The following CACUL1 variants were observed in gnomAD, a reference collection of about 807,000 sequenced individuals.
CACUL1 encodes the protein CDK2-associated and cullin domain-containing protein 1.
CACUL1 carries 13 observed loss-of-function variants against 45.2 expected under a neutral mutation model. The ratio of observed to expected loss-of-function variants is 0.29; its 90% CI spans 0.19 to 0.46. The LOEUF is 0.46. Among genes scored for constraint, CACUL1 ranks in the 20% least tolerant of loss-of-function variants. The probability of loss-of-function intolerance (pLI) is 1.00; values close to 1 mark genes in which losing one functional copy is unlikely to be tolerated. For synonymous variants in CACUL1, 197 were observed against 174.2 expected, an observed-to-expected ratio of 1.13 and a Z score of -1.03; for missense variants, 421 against 471.4, an observed-to-expected ratio of 0.89 and a Z score of 0.99.
In CACUL1 at chr10:118,711,112, C is replaced by T. The variant is rs149205741; in HGVS notation, c.598-3525G>A. Reference sequence around the variant, plus strand: ...TTTTTGTTTTTGAGATGGAGTCTTGCTCTGTCACCCAAGCTGCAGTGCAAT... The same window carrying T: ...TTTTTGTTTTTGAGATGGAGTCTTGTTCTGTCACCCAAGCTGCAGTGCAAT... On this transcript the variant is annotated intron_variant, in intron 3 of 8. Coordinates refer to ENST00000369151, the MANE Select transcript of CACUL1 (RefSeq NM_153810.5). Among the ~76,000 whole-genome samples the T allele has an allele frequency of 6.0e-3, 915 of 152,350 alleles. 2 individuals carry two copies. Among genetic ancestry groups the T allele is most frequent in the Admixed American group, 0.014 (217 of 15,302 alleles).
chr10:118,677,731 A>C lies in CACUL1; in HGVS notation c.*8397T>G, dbSNP rs866532786. ...CACTCTAGAGAATTCCACAGCATAC[A>C]CTTCATTTATTCACTGTATGCTAGA... On this transcript the variant is annotated 3_prime_UTR_variant, in exon 9 of 9. Transcript: ENST00000369151. 2 of 152,286 alleles carry C rather than the reference A, an allele frequency of 1.3e-5. No individual in the cohort carries two copies. Among genetic ancestry groups the C allele is most frequent in the Middle Eastern group, 3.4e-3 (1 of 292 alleles). The allele number at this position is 152,286 out of a possible 1,614,324, so 9.4% of individuals were successfully genotyped here.
intron 5 of CACUL1, among the ~76,000 whole-genome samples, chr10:118,699,791 G>A (rs929674483): frequency 7.2e-5 from 11 of 151,982 alleles, no homozygotes; most frequent in African/African-American, 2.4e-4. Flanking sequence ...GACTACAGGC[G>A]CCCGCCACCA....
At chr10:118,745,172 C>T (rs573840607) in intron 1 of CACUL1, among the ~76,000 whole-genome samples, 1 of 152,204 alleles carries the variant, frequency 6.6e-6, no homozygotes, top group African/African-American at 2.4e-5. Flanking sequence ...CTTTCATAAT[C>T]ATAAATCCTA....
At chr10:118,686,311 G>A in intron 8 of CACUL1, 143 bp from the exon 9 acceptor site, 1 of 725,880 alleles carries the variant, frequency 1.4e-6, no homozygotes, top group Non-Finnish European at 2.3e-6. Context: ...AACCATGTGG[G>A]GTGGAGGGAA....
intron 4 of CACUL1, among the ~76,000 whole-genome samples, chr10:118,703,355 T>C (rs1278497121): frequency 6.6e-6 from 1 of 152,118 alleles, no homozygotes; most frequent in Non-Finnish European, 1.5e-5. Flanking sequence ...AAACACTGCA[T>C]TGTACCCTGC....
intron 3 of CACUL1, among the ~76,000 whole-genome samples, chr10:118,723,143 T>C (rs1837969870): frequency 6.6e-6 from 1 of 152,210 alleles, no homozygotes; most frequent in Admixed American, 6.5e-5. Context: ...ATGCTGAAGT[T>C]ATCCTATTTT....
In CACUL1 at chr10:118,707,562, T is replaced by C. The variant is rs1292156768; in HGVS notation, c.623A>G (p.Glu208Gly). ...TTGTCCAAGAGCTATATTAAATCTT[T>C]CAATATAGAGATCTGGAGGGCTGGC... ...LQASPPDLYI[E>G]RFNIALGQYM... Residue 208 changes from glutamate (E) to glycine (G), a missense_variant, in exon 4 of 9, where the codon GAA (glutamate) becomes GGA (glycine). Around this residue, in one of 2 missense-constraint regions of CACUL1, gnomAD observed 208 missense variants for 298.4 expected, o/e 0.70. Transcript: ENST00000369151. 6 of 1,575,962 alleles carry C rather than the reference T, an allele frequency of 3.8e-6. No homozygotes were observed. The highest frequency in any genetic ancestry group is 5.2e-6 in the Non-Finnish European group (6 of 1,146,126).
At chr10:118,725,810 A>G (rs926032156) in intron 3 of CACUL1, among the ~76,000 whole-genome samples, 3 of 152,254 alleles carry the variant, frequency 2.0e-5, no homozygotes, top group Non-Finnish European at 4.4e-5. Context: ...AAAATCTCTA[A>G]AAACCATGTT....
rs377468245 is a variant in CACUL1 at position 118,713,143 on chromosome 10, G to T, written c.598-5556C>A. Among the ~76,000 whole-genome samples the T allele has an allele frequency of 9.2e-5, 14 of 152,334 alleles. No homozygotes were observed. In the South Asian group the frequency reaches 1.0e-3, roughly 11 times the overall value. Reference sequence around the variant, plus strand: ...TCCGGAGGGGGCCGAGGCAGCAGAGGGCTAGTGTGTTAGCACTGCCCTCAG... The same window carrying T: ...TCCGGAGGGGGCCGAGGCAGCAGAGTGCTAGTGTGTTAGCACTGCCCTCAG... On this transcript the variant is annotated intron_variant, in intron 3 of 8. Coordinates refer to ENST00000369151, the MANE Select transcript of CACUL1 (RefSeq NM_153810.5).
At chr10:118,720,757 C>A (rs1845592636) in intron 3 of CACUL1, among the ~76,000 whole-genome samples, 1 of 152,154 alleles carries the variant, frequency 6.6e-6, no homozygotes, top group Non-Finnish European at 1.5e-5. Flanking sequence ...TATGAAGGCA[C>A]ATGAAAATAC....
chr10:118,720,248 C>G (rs893412449), intron 3 of CACUL1, among the ~76,000 whole-genome samples: 5 of 152,128 alleles, frequency 3.3e-5, no homozygotes, highest in African/African-American at 1.2e-4. Flanking sequence ...TAATCTAATA[C>G]TAGCTTTTAA....
rs989801447 is a variant in CACUL1, at chr10:118,683,134, C to T, written c.*2994G>A. The T allele has an allele frequency of 1.3e-5, 2 of 152,054 alleles. No homozygotes were observed. The highest frequency in any genetic ancestry group is 4.8e-5 in the African/African-American group (2 of 41,404). The allele number at this position is 152,054 out of a possible 1,614,324, so 9.4% of individuals were successfully genotyped here. A position where few individuals can be genotyped will look rare whatever the true frequency, so the allele number is the denominator to read the frequency against. The stretch of plus-strand genomic sequence containing the variant: ...TAAGGCCAACCTTTAAAACATGTAC[C>T]GTCTCTCAAAACAATTATCGATTTA... On this transcript the variant is annotated 3_prime_UTR_variant, in exon 9 of 9. Transcript: ENST00000369151.
intron 3 of CACUL1, among the ~76,000 whole-genome samples, chr10:118,710,070 G>A (rs151306448): frequency 1.3e-5 from 2 of 150,108 alleles, no homozygotes; most frequent in East Asian, 3.9e-4. Context: ...GCAGCACTAG[G>A]CCTGCCTAAT....
chr10:118,742,129 T>TA (rs1227851805), intron 1 of CACUL1, among the ~76,000 whole-genome samples: 1 of 152,256 alleles, frequency 6.6e-6, no homozygotes, highest in Non-Finnish European at 1.5e-5. Context: ...TACCAGAGGC[T>TA]AAAATATTAC....
At chr10:118,728,370 G>C (rs1261014572) in intron 3 of CACUL1, among the ~76,000 whole-genome samples, 1 of 148,894 alleles carries the variant, frequency 6.7e-6, no homozygotes, top group African/African-American at 2.5e-5. Flanking sequence ...CTGGAGTGCA[G>C]CGACGCAATC....
rs1226730178 is a variant in CACUL1, at chr10:118,726,262, T to C, written c.597+3033A>G. The C allele has an allele frequency of 3.3e-6, 4 of 1,224,432 alleles. No homozygotes were observed. The East Asian group carries it at 1.7e-4, about 52-fold the overall frequency. 75.8% of individuals were successfully genotyped at this position (1,224,432 alleles called of 1,614,324 possible). A position where few individuals can be genotyped will look rare whatever the true frequency, so the allele number is the denominator to read the frequency against. ...GGCCACACACATCACACTGAACAAATAAATAAAATGCTTACAAATCTAGAG... is the reference window on the plus strand; with the variant it reads ...GGCCACACACATCACACTGAACAAACAAATAAAATGCTTACAAATCTAGAG... On this transcript the variant is annotated intron_variant, in intron 3 of 8. Coordinates refer to ENST00000369151, the MANE Select transcript of CACUL1 (RefSeq NM_153810.5).
intron 3 of CACUL1, among the ~76,000 whole-genome samples, chr10:118,711,406 G>A (rs1044201405): frequency 2.0e-5 from 3 of 152,174 alleles, no homozygotes; most frequent in Admixed American, 2.0e-4. Flanking sequence ...AGCATTCTTT[G>A]TTAACTAAAG....
At chr10:118,701,239 CA>C (rs371279380) in intron 5 of CACUL1, 66 bp downstream of exon 5, 13,796 of 718,338 alleles carry the variant, frequency 0.019, 2 homozygotes, top group South Asian at 0.036. Context: ...GCTCTCAGAC[CA>C]AAAAAAAAAG....
chr10:118,676,442 A>G lies in CACUL1; in HGVS notation c.*9686T>C, dbSNP rs190504447. 7.2e-5 allele frequency: 11 copies of G among 152,340 alleles called. No individual in the cohort carries two copies. Among genetic ancestry groups the G allele is most frequent in the African/African-American group, 2.6e-4 (11 of 41,584 alleles). 9.4% of individuals were successfully genotyped at this position (152,340 alleles called of 1,614,324 possible). A position where few individuals can be genotyped will look rare whatever the true frequency, so the allele number is the denominator to read the frequency against. On this transcript the variant is annotated 3_prime_UTR_variant, in exon 9 of 9. Transcript: ENST00000369151. ...TGGAAAAGATGAAAATTTATTATAAAAATTTCAACAACACACTTTTGCAAA... is the reference window on the plus strand; with the variant it reads ...TGGAAAAGATGAAAATTTATTATAAGAATTTCAACAACACACTTTTGCAAA...
Sources: gnomAD v4.1 joint callset for allele counts (sites outside exome capture counted in the v4.1 genomes callset) on GRCh38, gnomAD v4.1.1 for gene constraint, gnomAD v4.1.1 regional missense constraint, MANE v1.5 for transcripts, NCBI Gene and HGNC (gene_info 2026-07-23, HGNC 2026-07-21) for gene names.